BLMH: variants seen among roughly 807,000 people sequenced by gnomAD.
BLMH encodes BLM hydrolase.
Under a neutral mutation model 61.6 loss-of-function variants are expected in BLMH, and 32 were observed. The ratio of observed to expected loss-of-function variants is 0.52; its 90% CI spans 0.39 to 0.70. The LOEUF is 0.70. BLMH is among the 30% of genes least tolerant of loss of function. The probability of loss-of-function intolerance (pLI) is 0.00; values close to 1 mark genes in which losing one functional copy is unlikely to be tolerated. For synonymous variants in BLMH, 183 were observed against 193.8 expected, an observed-to-expected ratio of 0.94 and a Z score of 0.46; for missense variants, 460 against 555.5, an observed-to-expected ratio of 0.83 and a Z score of 1.73.
intron 11 of BLMH, among the ~76,000 whole-genome samples, chr17:30,254,275 G>A (rs1255215483): frequency 6.6e-6 from 1 of 152,140 alleles, no homozygotes; most frequent in Non-Finnish European, 1.5e-5. Flanking sequence ...GTTCTGCTCT[G>A]ACGGTCTGTC....
In BLMH at chr17:30,267,658, G is replaced by A. The variant is rs1410328865; in HGVS notation, c.1147-704C>T. 3.3e-5 allele frequency among the ~76,000 whole-genome samples: 5 copies of A among 152,112 alleles called. No homozygotes were observed. The East Asian group carries it at 9.6e-4, about 29-fold the overall frequency. On this transcript the variant is annotated intron_variant, in intron 10 of 11. Coordinates refer to ENST00000261714, the MANE Select transcript of BLMH (RefSeq NM_000386.4). ...TAAGCTCAATTTTGGTCTTCTTAAA[G>A]GGACAGTGATACTCATCACAACAAC...
intron 11 of BLMH, among the ~76,000 whole-genome samples, chr17:30,265,113 TGAA>T (rs1908064101): frequency 6.6e-6 from 1 of 152,214 alleles, no homozygotes; most frequent in Admixed American, 6.5e-5. Context: ...TATCTGATGA[TGAA>T]GAGAAATGCA....
intron 11 of BLMH, among the ~76,000 whole-genome samples, chr17:30,264,329 A>G (rs1401838136): frequency 6.6e-6 from 1 of 152,256 alleles, no homozygotes; most frequent in Non-Finnish European, 1.5e-5. Flanking sequence ...GATTTCACTA[A>G]GAAGGATTAC....
intron 2 of BLMH, 50 bp from the exon 3 acceptor site, chr17:30,289,532 A>C (rs1224136992): frequency 8.2e-7 from 1 of 1,225,814 alleles, no homozygotes; most frequent in Admixed American, 2.2e-5. Context: ...CATAGACTGC[A>C]CTGCTCCAAC....
At position 30,285,412 on chromosome 17, in the gene BLMH, G is replaced by A. The variant is rs1471815458; in HGVS notation, c.621C>T (p.Ala207=). Residue 207 remains alanine, a synonymous_variant, in exon 6 of 12, where the codon GCC becomes GCT. Transcript: ENST00000261714. ...CCTCCTCCATCATGACGTCCTGTGT[G>A]GCCGAGATTTCTCCTTTGGTTGCTC... ...HSGATKGEIS[A]TQDVMMEEIF... is the part of the protein sequence containing the mutation. The A allele has an allele frequency of 2.5e-6, 4 of 1,611,848 alleles. No individual in the cohort carries two copies. The highest frequency in any genetic ancestry group is 3.4e-6 in the Non-Finnish European group (4 of 1,178,978).
intron 7 of BLMH, 87 bp from the exon 8 acceptor site, chr17:30,272,986 C>G (rs961858065): frequency 7.0e-7 from 1 of 1,421,354 alleles, no homozygotes; most frequent in African/African-American, 1.4e-5. Context: ...ATGTTTCCAT[C>G]AAGCTCATCA....
chr17:30,276,934 T>G (rs1908439576), intron 6 of BLMH, among the ~76,000 whole-genome samples: 1 of 152,234 alleles, frequency 6.6e-6, no homozygotes, highest in Middle Eastern at 3.2e-3. Context: ...TCCTTTAACT[T>G]CGTATAAAAG....
In BLMH at chr17:30,248,822, T is replaced by C; in HGVS notation, c.*195A>G. ...GATAGTATGACCTGATCTTCCCCCC[T>C]CTTTTTTTTCCTTTAACAGTATTCT... On this transcript the variant is annotated 3_prime_UTR_variant, in exon 12 of 12. Transcript: ENST00000261714. 1 of 609,420 alleles carries C rather than the reference T, an allele frequency of 1.6e-6. No homozygotes were observed. Among genetic ancestry groups the C allele is most frequent in the Non-Finnish European group, 2.8e-6 (1 of 356,794 alleles). 37.8% of individuals were successfully genotyped at this position (609,420 alleles called of 1,614,324 possible).
chr17:30,276,720 C>A (rs967935376), intron 6 of BLMH, among the ~76,000 whole-genome samples: 3 of 152,178 alleles, frequency 2.0e-5, no homozygotes, highest in African/African-American at 7.2e-5. Context: ...TTAACTTAGG[C>A]AAAACATATG....
intron 11 of BLMH, among the ~76,000 whole-genome samples, chr17:30,254,886 C>T (rs1888080110): frequency 6.6e-6 from 1 of 152,184 alleles, no homozygotes; most frequent in African/African-American, 2.4e-5. Context: ...AAAAATGAGA[C>T]ATCATACATG....
rs1198219764 is a variant in BLMH, at chr17:30,272,427, T to G, written c.1028+134A>C. 14 of 929,648 alleles carry G rather than the reference T, an allele frequency of 1.5e-5. No homozygotes were observed. The East Asian group carries it at 2.9e-4, about 19-fold the overall frequency. The allele number at this position is 929,648 out of a possible 1,614,324, so 57.6% of individuals were successfully genotyped here. A position where few individuals can be genotyped will look rare whatever the true frequency, so the allele number is the denominator to read the frequency against. On this transcript the variant is annotated intron_variant, in intron 9 of 11. Coordinates refer to ENST00000261714, the MANE Select transcript of BLMH (RefSeq NM_000386.4). Reference sequence around the variant, plus strand: ...CTATGAGTCCTCAAACTCTAAAGGATGCAAAGAAAGAGACGCGCCCTTAGG... The same window carrying G: ...CTATGAGTCCTCAAACTCTAAAGGAGGCAAAGAAAGAGACGCGCCCTTAGG...
chr17:30,251,519 T>A (rs1468825501), intron 11 of BLMH, among the ~76,000 whole-genome samples: 2 of 152,258 alleles, frequency 1.3e-5, no homozygotes, highest in African/African-American at 4.8e-5. Flanking sequence ...CCGTATCTGC[T>A]ACTTGTTTTA....
chr17:30,263,601 C>G (rs1186631688), intron 11 of BLMH, among the ~76,000 whole-genome samples: 1 of 152,172 alleles, frequency 6.6e-6, no homozygotes, highest in Admixed American at 6.5e-5. Context: ...CCAACTGGTA[C>G]AGTAAAGCAA....
At chr17:30,265,342 C>T (rs75820221) in intron 11 of BLMH, among the ~76,000 whole-genome samples, 3,794 of 152,222 alleles carry the variant, frequency 0.025, 136 homozygotes, top group African/African-American at 0.087. Flanking sequence ...CAAAACTCAG[C>T]TTAACAGGCT....
intron 11 of BLMH, 108 bp downstream of exon 11, chr17:30,266,777 T>C: frequency 1.0e-6 from 1 of 988,236 alleles, no homozygotes; most frequent in Non-Finnish European, 1.6e-6. Flanking sequence ...ATCTAGTCAG[T>C]GGAGCCAATT....
intron 11 of BLMH, among the ~76,000 whole-genome samples, chr17:30,250,506 C>T (rs1425911635): frequency 4.6e-5 from 7 of 152,278 alleles, no homozygotes; most frequent in Non-Finnish European, 1.5e-5. Flanking sequence ...CACTAATTAT[C>T]AGAGAAATGC....
chr17:30,258,533 G>T (rs186703332), intron 11 of BLMH, among the ~76,000 whole-genome samples: 6 of 152,248 alleles, frequency 3.9e-5, no homozygotes, highest in Admixed American at 1.3e-4. Context: ...CTTGTGGTTT[G>T]TATTTTTTAA....
In BLMH at chr17:30,280,276, G is replaced by A. The variant is rs571411859; in HGVS notation, c.645+5112C>T. ...AGTATTCTAAGTTCTTATTATCTGT[G>A]TCTAATTTTACCTTTCCACTGTTAA... On this transcript the variant is annotated intron_variant, in intron 6 of 11. Transcript: ENST00000261714. Among the ~76,000 whole-genome samples the A allele has an allele frequency of 5.2e-4, 79 of 152,250 alleles. 1 individual carries two copies. The highest frequency in any genetic ancestry group is 1.8e-3 in the African/African-American group (76 of 41,542).
At chr17:30,286,186 T>C (rs1486402745) in intron 5 of BLMH, among the ~76,000 whole-genome samples, 2 of 152,158 alleles carry the variant, frequency 1.3e-5, no homozygotes, top group African/African-American at 2.4e-5. Flanking sequence ...TTCAGCCTCA[T>C]GGATTAGGAC....
Sources: gnomAD v4.1 joint callset for allele counts (sites outside exome capture counted in the v4.1 genomes callset) on GRCh38, gnomAD v4.1.1 for gene constraint, MANE v1.5 for transcripts, NCBI Gene and HGNC (gene_info 2026-07-23, HGNC 2026-07-21) for gene names.